GAREM1: variants seen among roughly 807,000 people sequenced by gnomAD.
The protein encoded by GAREM1 is GRB2-associated and regulator of MAPK protein 1.
GAREM1 carries 26 observed loss-of-function variants against 71.3 expected under a neutral mutation model. That is an observed-to-expected ratio of 0.36 (90% CI 0.27 to 0.51). The LOEUF (loss-of-function observed/expected upper bound fraction) is 0.51. Among genes scored for constraint, GAREM1 ranks in the 20% least tolerant of loss-of-function variants. The pLI is 0.95. For missense variants in GAREM1, 1,026 were observed against 1,103.1 expected, an observed-to-expected ratio of 0.93 and a Z score of 0.99; for synonymous variants, 440 against 433.2, an observed-to-expected ratio of 1.02 and a Z score of -0.20.
At chr18:32,455,714 A>G (rs978093812) in intron 1 of GAREM1, among the ~76,000 whole-genome samples, 1 of 152,186 alleles carries the variant, frequency 6.6e-6, no homozygotes, top group African/African-American at 2.4e-5. Context: ...CAGACCTCTC[A>G]CAGCCATTGG....
intron 4 of GAREM1, among the ~76,000 whole-genome samples, chr18:32,282,690 G>T (rs563969499): frequency 1.2e-4 from 18 of 152,314 alleles, no homozygotes; most frequent in Middle Eastern, 3.4e-3. Flanking sequence ...GATTACAGGT[G>T]TGAGCCACGG....
At chr18:32,400,955 A>C (rs1417535558) in intron 1 of GAREM1, among the ~76,000 whole-genome samples, 3 of 152,244 alleles carry the variant, frequency 2.0e-5, no homozygotes, top group Admixed American at 6.5e-5. Context: ...CAGGATTAAG[A>C]AAATGTGGCA....
chr18:32,364,013 TA>T lies in GAREM1; in HGVS notation c.262+28881del, dbSNP rs1567980662. Among the ~76,000 whole-genome samples, 125 of 67,848 alleles carry T rather than the reference TA, an allele frequency of 1.8e-3. 4 individuals carry two copies. Among genetic ancestry groups the T allele is most frequent in the African/African-American group, 5.9e-3 (83 of 14,146 alleles). 44.5% of individuals were successfully genotyped at this position (67,848 alleles called of 152,430 possible). ...ATATATACATATATATATATATATA[TA>T]TATATATATATATGTTTTTTTTTTT... On this transcript the variant is annotated intron_variant, in intron 2 of 5. Transcript: ENST00000269209.
intron 2 of GAREM1, among the ~76,000 whole-genome samples, chr18:32,368,504 C>G (rs1319936151): frequency 6.6e-6 from 1 of 152,150 alleles, no homozygotes; most frequent in Non-Finnish European, 1.5e-5. Context: ...AGAGAGGGTT[C>G]AAGATTTCTT....
At position 32,287,736 on chromosome 18, in the gene GAREM1, C is replaced by A; in HGVS notation, c.861G>T (p.Leu287=). 1 of 1,613,890 alleles carries A rather than the reference C, an allele frequency of 6.2e-7. No homozygotes were observed. Among genetic ancestry groups the A allele is most frequent in the Non-Finnish European group, 8.5e-7 (1 of 1,180,016 alleles). The change falls in exon 4 of 6, where the codon CTG becomes CTT. Residue 287 remains leucine, a synonymous_variant. Transcript: ENST00000269209. This position sits in a 1 kb window ranked among gnomAD's most constrained non-coding sequence, Gnocchi z 5.9. ...QTKTVVVCCV[L]RNNKILPMHF... ...GCATGGGGAGGATCTTGTTGTTCCG[C>A]AGCACACAGCAAACCACCACCGTCT...
At position 32,268,753 on chromosome 18, in the gene GAREM1, A is replaced by G. The variant is rs753296170; in HGVS notation, c.1749T>C (p.Thr583=). Residue 583 remains threonine (T), a synonymous_variant, in exon 6 of 6, where the codon ACT becomes ACC. Coordinates refer to ENST00000269209, the MANE Select transcript of GAREM1 (RefSeq NM_001242409.2). Reference sequence around the variant, plus strand: ...GAGTGCTTTCAGAAGGATTTGTGTCAGTTTTAGTGACGCTGCTTAAAAGCA... The same window carrying G: ...GAGTGCTTTCAGAAGGATTTGTGTCGGTTTTAGTGACGCTGCTTAAAAGCA... ...SGLHNISVTK[T]DTNPSESTPV... 1.9e-6 allele frequency: 3 copies of G among 1,613,178 alleles called. No homozygotes were observed. In the African/African-American group the frequency reaches 4.0e-5, roughly 22 times the overall value.
chr18:32,416,449 C>G (rs1281563446), intron 1 of GAREM1, among the ~76,000 whole-genome samples: 3 of 152,066 alleles, frequency 2.0e-5, no homozygotes, highest in Admixed American at 6.6e-5. Flanking sequence ...AGGCATCACA[C>G]TAACTGACTT....
chr18:32,323,366 G>C (rs185716307), intron 2 of GAREM1, among the ~76,000 whole-genome samples: 1 of 152,292 alleles, frequency 6.6e-6, no homozygotes. Flanking sequence ...TTGAAGCCAC[G>C]GTCCTGAAGT....
chr18:32,429,446 G>A (rs1212537661), intron 1 of GAREM1, among the ~76,000 whole-genome samples: 11 of 152,138 alleles, frequency 7.2e-5, no homozygotes, highest in Admixed American at 7.2e-4. Flanking sequence ...AATCACTATT[G>A]TTAATACCCA....
intron 2 of GAREM1, among the ~76,000 whole-genome samples, chr18:32,359,159 T>C (rs1461352275): frequency 2.0e-5 from 3 of 152,166 alleles, no homozygotes; most frequent in Non-Finnish European, 4.4e-5. Context: ...TGCCCATGGT[T>C]TTAATAATCA....
At chr18:32,289,645 G>T (rs1476263514) in intron 3 of GAREM1, among the ~76,000 whole-genome samples, 3 of 152,058 alleles carry the variant, frequency 2.0e-5, no homozygotes, top group Non-Finnish European at 4.4e-5. Context: ...TTCTAGCTGA[G>T]ATGATATAGA....
At chr18:32,285,914 G>A (rs980017178) in intron 4 of GAREM1, among the ~76,000 whole-genome samples, 10 of 152,212 alleles carry the variant, frequency 6.6e-5, no homozygotes, top group African/African-American at 2.4e-4. Flanking sequence ...TAGGGGCAAA[G>A]AGTGGGCAGG....
intron 1 of GAREM1, among the ~76,000 whole-genome samples, chr18:32,456,147 A>C (rs931558848): frequency 6.6e-6 from 1 of 152,104 alleles, no homozygotes; most frequent in African/African-American, 2.4e-5. Flanking sequence ...AAAATTTAAA[A>C]CTCTTAAATG....
At chr18:32,453,832 A>G (rs2048864167) in intron 1 of GAREM1, among the ~76,000 whole-genome samples, 1 of 152,118 alleles carries the variant, frequency 6.6e-6, no homozygotes, top group South Asian at 2.1e-4. Flanking sequence ...TGTATATTGT[A>G]CAAAGAAGAA....
At chr18:32,440,299 T>C (rs1369272517) in intron 1 of GAREM1, among the ~76,000 whole-genome samples, 1 of 152,182 alleles carries the variant, frequency 6.6e-6, no homozygotes, top group African/African-American at 2.4e-5. Context: ...GGCTTCTACA[T>C]GACTCTAATG....
intron 1 of GAREM1, among the ~76,000 whole-genome samples, chr18:32,403,472 C>T (rs965567981): frequency 7.2e-5 from 11 of 152,198 alleles, no homozygotes; most frequent in Non-Finnish European, 1.6e-4. Context: ...GCCCTCTGCT[C>T]ACTTCAGTTT....
intron 2 of GAREM1, among the ~76,000 whole-genome samples, chr18:32,391,761 T>C (rs1435965643): frequency 6.6e-6 from 1 of 152,168 alleles, no homozygotes; most frequent in African/African-American, 2.4e-5. Flanking sequence ...TCTTTTTCCA[T>C]GAAGGCTACT....
At chr18:32,292,593 T>G (rs1174817358) in intron 3 of GAREM1, among the ~76,000 whole-genome samples, 1 of 152,170 alleles carries the variant, frequency 6.6e-6, no homozygotes, top group Non-Finnish European at 1.5e-5. Context: ...CCCCAAGCTG[T>G]TCTCGTGATA....
chr18:32,418,471 G>A (rs2048486345), intron 1 of GAREM1, among the ~76,000 whole-genome samples: 3 of 152,018 alleles, frequency 2.0e-5, no homozygotes, highest in Admixed American at 1.3e-4. Flanking sequence ...TATGAAATGG[G>A]AATAACAGAC....
Sources: gnomAD v4.1 joint callset for allele counts (sites outside exome capture counted in the v4.1 genomes callset) on GRCh38, gnomAD v4.1.1 for gene constraint, Gnocchi (gnomAD v3.1) non-coding constraint, MANE v1.5 for transcripts, NCBI Gene and HGNC (gene_info 2026-07-23, HGNC 2026-07-21) for gene names.